The following RBMS3 variants were observed in gnomAD, a reference collection of about 807,000 sequenced individuals.
The protein encoded by RBMS3 is RNA binding motif single stranded interacting protein 3, also known as RNA-binding motif, single-stranded-interacting protein 3.
Under a neutral mutation model 66.8 loss-of-function variants are expected in RBMS3, and 27 were observed. The observed-to-expected ratio is 0.40, with a 90% CI of 0.30 to 0.56. The LOEUF (loss-of-function observed/expected upper bound fraction) is 0.56, where lower values mean the gene tolerates loss of function less well. Ranked by LOEUF, RBMS3 falls within the 20% of genes least tolerant of loss-of-function variation. The pLI, the probability that RBMS3 is intolerant of heterozygous loss-of-function variation, is 0.40. For missense variants in RBMS3, 513 were observed against 549.5 expected (o/e 0.93, Z 0.66); for synonymous variants, 188 against 183.0 (o/e 1.03, Z -0.22).
intron 3 of RBMS3, among the ~76,000 whole-genome samples, chr3:29,580,762 T>C (rs746610139): frequency 4.2e-4 from 64 of 151,810 alleles, no homozygotes; most frequent in Non-Finnish European, 3.4e-4. Flanking sequence ...GGCAAATTCT[T>C]GTTCCAAAAG....
chr3:29,690,668 G>A (rs899903296), intron 4 of RBMS3, among the ~76,000 whole-genome samples: 2 of 152,132 alleles, frequency 1.3e-5, no homozygotes, highest in African/African-American at 2.4e-5. Flanking sequence ...ATACTTATCA[G>A]AAATTTTAGA....
At chr3:29,685,362 G>A (rs6549951) in intron 4 of RBMS3, among the ~76,000 whole-genome samples, 84,627 of 152,030 alleles carry the variant, frequency 0.56, 23,755 homozygotes, top group African/African-American at 0.59. Context: ...CGCCCAGCCC[G>A]GTAAACATTT....
intron 4 of RBMS3, among the ~76,000 whole-genome samples, chr3:29,613,398 T>C (rs1441375546): frequency 6.6e-6 from 1 of 152,136 alleles, no homozygotes; most frequent in Admixed American, 6.6e-5. Flanking sequence ...TGCTTTTTGA[T>C]GGACCCTCAT....
intron 4 of RBMS3, among the ~76,000 whole-genome samples, chr3:29,685,089 T>C (rs1376587488): frequency 1.3e-5 from 2 of 152,184 alleles, no homozygotes; most frequent in Non-Finnish European, 2.9e-5. Flanking sequence ...GACGGAGTCT[T>C]GCTCTGTCAC....
chr3:29,603,685 G>A (rs1009747352), intron 4 of RBMS3, among the ~76,000 whole-genome samples: 1 of 151,894 alleles, frequency 6.6e-6, no homozygotes, highest in Admixed American at 6.6e-5. Flanking sequence ...TTAGTGTATA[G>A]AAAACCAATA....
chr3:29,661,784 G>A (rs2050561968), intron 4 of RBMS3, among the ~76,000 whole-genome samples: 1 of 152,326 alleles, frequency 6.6e-6, no homozygotes, highest in Middle Eastern at 3.4e-3. Flanking sequence ...GGTAGGCTTT[G>A]AAGTCTCTCA....
At chr3:29,856,817 G>T (rs910605874) in intron 6 of RBMS3, among the ~76,000 whole-genome samples, 10 of 152,042 alleles carry the variant, frequency 6.6e-5, no homozygotes, top group African/African-American at 2.4e-4. Flanking sequence ...TTATTTTTAT[G>T]ATTGCTTAGA....
intron 4 of RBMS3, among the ~76,000 whole-genome samples, chr3:29,714,902 T>C (rs9834024): frequency 0.043 from 6,477 of 152,242 alleles, 167 homozygotes; most frequent in Admixed American, 0.074. Flanking sequence ...CTTTTTCTCC[T>C]GGGCCTTAGT....
chr3:29,703,899 C>T (rs2149294443), intron 4 of RBMS3, among the ~76,000 whole-genome samples: 1 of 152,294 alleles, frequency 6.6e-6, no homozygotes, highest in East Asian at 1.9e-4. Context: ...CAATCACCCA[C>T]ATTATCGCCT....
At chr3:29,648,499 C>T (rs1179152508) in intron 4 of RBMS3, among the ~76,000 whole-genome samples, 1 of 151,824 alleles carries the variant, frequency 6.6e-6, no homozygotes, top group African/African-American at 2.4e-5. Context: ...TCTTGAACTC[C>T]TGAGTTCAAG....
chr3:29,505,066 T>G (rs186962109), intron 3 of RBMS3, among the ~76,000 whole-genome samples: 3 of 152,190 alleles, frequency 2.0e-5, no homozygotes, highest in East Asian at 3.9e-4. Flanking sequence ...TTTGATGTAG[T>G]CCCATTCATC....
intron 5 of RBMS3, among the ~76,000 whole-genome samples, chr3:29,746,439 T>C (rs936299437): frequency 7.9e-5 from 12 of 152,350 alleles, no homozygotes; most frequent in Non-Finnish European, 1.5e-4. Flanking sequence ...ACAACTGTGT[T>C]TTCTGAGATT....
intron 1 of RBMS3, among the ~76,000 whole-genome samples, chr3:29,400,804 G>A (rs749225429): frequency 3.9e-5 from 6 of 152,006 alleles, no homozygotes; most frequent in Middle Eastern, 3.2e-3. Flanking sequence ...TGATTGGGGC[G>A]ATGATGAGAA....
intron 12 of RBMS3, among the ~76,000 whole-genome samples, chr3:29,977,893 T>G (rs1697701969): frequency 6.6e-6 from 1 of 151,128 alleles, no homozygotes; most frequent in Non-Finnish European, 1.5e-5. Context: ...TTTTCTAGCT[T>G]TTGTGAGGCT....
intron 4 of RBMS3, among the ~76,000 whole-genome samples, chr3:29,688,859 G>C (rs1417219421): frequency 6.6e-6 from 1 of 152,050 alleles, no homozygotes; most frequent in East Asian, 1.9e-4. Context: ...GGGATTACAG[G>C]TGTGAACCAC....
chr3:29,529,906 A>G (rs549029058), intron 3 of RBMS3, among the ~76,000 whole-genome samples: 86 of 152,360 alleles, frequency 5.6e-4, no homozygotes, highest in African/African-American at 1.9e-3. Context: ...AAGAAAATAA[A>G]TATCTGAAAA....
chr3:29,546,995 GA>G (rs896192867), intron 3 of RBMS3, among the ~76,000 whole-genome samples: 7 of 152,106 alleles, frequency 4.6e-5, no homozygotes, highest in Admixed American at 4.6e-4. Flanking sequence ...GTATTTTTTA[GA>G]GACAGGGTCC....
At chr3:29,839,028 T>C (rs2058599222) in intron 6 of RBMS3, among the ~76,000 whole-genome samples, 1 of 152,140 alleles carries the variant, frequency 6.6e-6, no homozygotes, top group Non-Finnish European at 1.5e-5. Flanking sequence ...ACGGGGTAAG[T>C]TCTTACTAAA....
chr3:29,703,358 C>T (rs1005801753), intron 4 of RBMS3, among the ~76,000 whole-genome samples: 1 of 152,146 alleles, frequency 6.6e-6, no homozygotes, highest in Admixed American at 6.5e-5. Context: ...AAGAACTTGG[C>T]TGAAAGTCTA....
Sources: allele counts gnomAD v4.1 joint callset (sites outside exome capture counted in the v4.1 genomes callset), GRCh38; gene constraint gnomAD v4.1.1; transcripts MANE v1.5; gene names NCBI Gene and HGNC (gene_info 2026-07-23, HGNC 2026-07-21).